Variants in ZBTB20 observed in about 807,000 individuals in gnomAD.
ZBTB20 encodes the protein zinc finger and BTB domain containing 20, also known as zinc finger and BTB domain-containing protein 20.
ZBTB20 carries 9 observed loss-of-function variants against 56.9 expected under a neutral mutation model. That is an observed-to-expected ratio of 0.16 (90% CI 0.10 to 0.28). The LOEUF (loss-of-function observed/expected upper bound fraction) is 0.28. Ranked by LOEUF, ZBTB20 falls within the 10% of genes least tolerant of loss-of-function variation. The pLI, the probability that ZBTB20 is intolerant of heterozygous loss-of-function variation, is 1.00. For synonymous variants in ZBTB20, 417 were observed against 420.7 expected (o/e 0.99, Z 0.11); for missense variants, 655 against 1,003.0 (o/e 0.65, Z 4.69).
At chr3:114,710,814 A>G (rs931665188) in intron 5 of ZBTB20, among the ~76,000 whole-genome samples, 6 of 152,198 alleles carry the variant, frequency 3.9e-5, no homozygotes, top group East Asian at 1.9e-4. Context: ...GAGATCATAC[A>G]TGCTTAAAAA....
intron 6 of ZBTB20, among the ~76,000 whole-genome samples, chr3:114,539,179 T>A (rs924001098): frequency 2.6e-5 from 4 of 152,142 alleles, no homozygotes; most frequent in African/African-American, 9.7e-5. Flanking sequence ...AGATTATAAT[T>A]TTGGAAAGTC....
At position 115,069,862 on chromosome 3, in the gene ZBTB20, A is replaced by G. The variant is rs185796112; in HGVS notation, c.-507+1357T>C. On this transcript the variant is annotated intron_variant, in intron 2 of 11. Coordinates refer to ENST00000675478, the MANE Select transcript of ZBTB20 (RefSeq NM_001348800.3). The stretch of plus-strand genomic sequence containing the variant: ...TTTAATCCTCATATACAAAAAAAAA[A>G]AAATATTCTTGGGTAAAGTTATTTT... 3.3e-5 allele frequency among the ~76,000 whole-genome samples: 5 copies of G among 152,152 alleles called. No individual in the cohort carries two copies. The East Asian group carries it at 9.6e-4, about 29-fold the overall frequency.
chr3:114,853,124 G>A (rs1342986769), intron 4 of ZBTB20, among the ~76,000 whole-genome samples: 1 of 152,164 alleles, frequency 6.6e-6, no homozygotes, highest in African/African-American at 2.4e-5. Flanking sequence ...CATGCATCCT[G>A]CTTTTGGCAC....
At chr3:114,606,597 G>A (rs1218105160) in intron 6 of ZBTB20, among the ~76,000 whole-genome samples, 11 of 152,078 alleles carry the variant, frequency 7.2e-5, no homozygotes, top group Admixed American at 1.3e-4. Context: ...CCACTGCCAC[G>A]TGTGTATTTA....
At chr3:114,693,395 T>C (rs1378719200) in intron 6 of ZBTB20, 133 bp downstream of exon 6, 2 of 152,172 alleles carry the variant, frequency 1.3e-5, no homozygotes, top group African/African-American at 4.8e-5. Flanking sequence ...AAATTTAGTA[T>C]TGCTAAAGTT....
chr3:114,486,064 T>A (rs1260449637), intron 7 of ZBTB20, among the ~76,000 whole-genome samples: 1 of 146,398 alleles, frequency 6.8e-6, no homozygotes, highest in Non-Finnish European at 1.5e-5. Context: ...GTGTTTTAGC[T>A]GTAGTTCTTT....
chr3:114,749,797 G>A (rs1052696340), intron 5 of ZBTB20, among the ~76,000 whole-genome samples: 2 of 152,074 alleles, frequency 1.3e-5, no homozygotes, highest in African/African-American at 4.8e-5. Context: ...GCCTCTCTAG[G>A]TCAAGATTTT....
chr3:114,794,072 A>G (rs1345700573), intron 5 of ZBTB20, among the ~76,000 whole-genome samples: 1 of 151,836 alleles, frequency 6.6e-6, no homozygotes, highest in Non-Finnish European at 1.5e-5. Context: ...CAGAGTTTGA[A>G]TCAGTGAGGT....
chr3:114,769,552 CATATAT>C lies in ZBTB20; in HGVS notation c.-343+31543_-343+31548del, dbSNP rs6148023. On this transcript the variant is annotated intron_variant, in intron 5 of 11. Coordinates refer to ENST00000675478, the MANE Select transcript of ZBTB20 (RefSeq NM_001348800.3). ...CTTTGTTTTACTGTGTGCCAAAATG[CATATAT>C]ATATATATATATATATATATATATA... Among the ~76,000 whole-genome samples, 578 of 116,654 alleles carry C rather than the reference CATATAT, an allele frequency of 5.0e-3. 5 individuals are homozygous for C. The highest frequency in any genetic ancestry group is 0.018 in the African/African-American group (389 of 22,216). 76.5% of individuals were successfully genotyped at this position (116,654 alleles called of 152,430 possible).
intron 2 of ZBTB20, among the ~76,000 whole-genome samples, chr3:115,030,361 C>T (rs2080617306): frequency 6.6e-6 from 1 of 151,048 alleles, no homozygotes; most frequent in Non-Finnish European, 1.5e-5. Context: ...GCCCATAGTA[C>T]ATTGTTGTAC....
chr3:114,860,903 T>C (rs1277466515), intron 4 of ZBTB20, among the ~76,000 whole-genome samples: 2 of 152,206 alleles, frequency 1.3e-5, no homozygotes, highest in Non-Finnish European at 2.9e-5. Flanking sequence ...GATCTGAAAC[T>C]GGGAATCGCC....
intron 6 of ZBTB20, among the ~76,000 whole-genome samples, chr3:114,536,695 C>T (rs2048503169): frequency 1.3e-5 from 2 of 151,940 alleles, no homozygotes; most frequent in African/African-American, 4.8e-5. Flanking sequence ...AATCCTAAGC[C>T]TAAAGAACAA....
At chr3:114,754,437 T>A (rs116150109) in intron 5 of ZBTB20, among the ~76,000 whole-genome samples, 33 of 152,310 alleles carry the variant, frequency 2.2e-4, no homozygotes, top group African/African-American at 7.7e-4. Flanking sequence ...TACAGGGTTT[T>A]CTTATGTTTT....
chr3:114,978,989 A>AG (rs1576475387), intron 2 of ZBTB20, among the ~76,000 whole-genome samples: 1 of 151,764 alleles, frequency 6.6e-6, no homozygotes, highest in Admixed American at 6.6e-5. Flanking sequence ...ATTTTTTTAG[A>AG]GAAAAAAAAA....
chr3:114,856,808 G>A (rs2075276270), intron 4 of ZBTB20, among the ~76,000 whole-genome samples: 1 of 152,086 alleles, frequency 6.6e-6, no homozygotes, highest in African/African-American at 2.4e-5. Context: ...AGGGGAGAAG[G>A]TTCGTGTTTA....
In ZBTB20 at chr3:114,796,189, C is replaced by A. The variant is rs965779413; in HGVS notation, c.-343+4912G>T. 5.3e-5 allele frequency among the ~76,000 whole-genome samples: 8 copies of A among 151,652 alleles called. No individual in the cohort carries two copies. The Admixed American group carries it at 5.3e-4, about 10-fold the overall frequency. ...TTAGGGGAGAGTGGATTGTTTCTGT[C>A]CAGGTCAAGGAAAGAAGGATTCATG... is the stretch of plus-strand genomic sequence containing the variant. On this transcript the variant is annotated intron_variant, in intron 5 of 11. Transcript: ENST00000675478.
At chr3:114,531,878 C>A (rs917977102) in intron 6 of ZBTB20, among the ~76,000 whole-genome samples, 1 of 152,106 alleles carries the variant, frequency 6.6e-6, no homozygotes, top group African/African-American at 2.4e-5. Context: ...ACCCAGGAAG[C>A]ACACAGGGTT....
At chr3:114,436,215 A>G (rs915018285) in intron 7 of ZBTB20, among the ~76,000 whole-genome samples, 1 of 151,290 alleles carries the variant, frequency 6.6e-6, no homozygotes, top group Non-Finnish European at 1.5e-5. Flanking sequence ...TTGTGCTGAC[A>G]TTTTTTTTTG....
intron 2 of ZBTB20, among the ~76,000 whole-genome samples, chr3:115,044,166 T>C (rs897772722): frequency 6.6e-6 from 1 of 152,206 alleles, no homozygotes; most frequent in African/African-American, 2.4e-5. Flanking sequence ...ATAAATTAAC[T>C]TGCTTCAGGT....
Sources: allele counts gnomAD v4.1 joint callset (sites outside exome capture counted in the v4.1 genomes callset), GRCh38; gene constraint gnomAD v4.1.1; transcripts MANE v1.5; gene names NCBI Gene and HGNC (gene_info 2026-07-23, HGNC 2026-07-21).